Variants in DHX57 observed in about 807,000 individuals in gnomAD.
DHX57 encodes the protein DExH-box helicase 57.
DHX57 carries 105 observed loss-of-function variants against 156.2 expected under a neutral mutation model. That is an observed-to-expected ratio of 0.67 (90% CI 0.57 to 0.79). DHX57 has a LOEUF of 0.79. Among genes scored for constraint, DHX57 ranks in the 30% least tolerant of loss-of-function variants. The pLI is 0.00. For missense variants in DHX57, 1,847 were observed against 1,661.9 expected (o/e 1.11, Z -1.94); for synonymous variants, 704 against 595.6 (o/e 1.18, Z -2.65).
intron 19 of DHX57, 177 bp from the exon 20 acceptor site, chr2:38,815,832 A>C: frequency 1.4e-6 from 1 of 707,404 alleles, no homozygotes; most frequent in Non-Finnish European, 2.3e-6. Context: ...AGCAGCTTTC[A>C]CTTACGCAAA....
intron 12 of DHX57, among the ~76,000 whole-genome samples, chr2:38,839,585 G>T (rs971663907): frequency 6.6e-6 from 1 of 151,686 alleles, no homozygotes; most frequent in Non-Finnish European, 1.5e-5. Flanking sequence ...GCCAGGCATG[G>T]TGGTGGGTGC....
rs776167951 is a variant in DHX57, at chr2:38,813,888, G to A, written c.3614C>T (p.Ser1205Leu). 4 of 1,613,056 alleles carry A rather than the reference G, an allele frequency of 2.5e-6. No individual in the cohort carries two copies. The South Asian group carries it at 4.4e-5, about 18-fold the overall frequency. ...TATCAGCTTGGGGTTCTCAGCATTT[G>A]AGTTTGCCTATGAGAAAAGCACAGC... ...VLDATGEEAN[S>L]NAENPKLISA... The change falls in exon 21 of 24, where the codon TCA becomes TTA. Residue 1205 changes from serine to leucine, a missense_variant. Transcript: ENST00000457308.
chr2:38,868,104 A>T, intron 2 of DHX57, 78 bp downstream of exon 2: 1 of 1,538,710 alleles, frequency 6.5e-7, no homozygotes, highest in Admixed American at 1.9e-5. Context: ...CTTTTTTTCC[A>T]TTCTCAGCCA....
chr2:38,838,209 C>T (rs900710501), intron 12 of DHX57, among the ~76,000 whole-genome samples: 3 of 152,130 alleles, frequency 2.0e-5, no homozygotes, highest in Admixed American at 6.6e-5. Context: ...AGTGATCCTC[C>T]GATCTCAGCC....
At position 38,861,503 on chromosome 2, in the gene DHX57, C is replaced by G; in HGVS notation, c.907G>C (p.Glu303Gln). 6.2e-7 allele frequency: 1 copy of G among 1,614,058 alleles called. No homozygotes were observed. ...STKNVQENSL[E>Q]ICKFYLKGNC... ...CCTTTGAGGTAAAATTTACAGATTT[C>G]AAGTGAATTCTCTTGTACATTTTTG... The change falls in exon 5 of 24, where the codon GAA becomes CAA. Residue 303 changes from glutamate (E) to glutamine (Q), a missense_variant. By Grantham distance (29) the Glu-to-Gln change is conservative (BLOSUM62 2). Transcript: ENST00000457308.
intron 1 of DHX57, among the ~76,000 whole-genome samples, chr2:38,873,803 A>T (rs1665464056): frequency 6.6e-6 from 1 of 152,224 alleles, no homozygotes; most frequent in Admixed American, 6.5e-5. Context: ...GATATATATT[A>T]TAACTTAAGT....
At position 38,868,202 on chromosome 2, in the gene DHX57, A is replaced by C; in HGVS notation, c.204T>G (p.Ser68Arg). ...WDDGDDFCIF[S>R]ESRRPSRPSN... Reference sequence around the variant, plus strand: ...ATGACCTGGAAGGGCGCCTTGATTCACTGAAGATACAAAAGTCATCTCCAT... The same window carrying C: ...ATGACCTGGAAGGGCGCCTTGATTCCCTGAAGATACAAAAGTCATCTCCAT... Residue 68 changes from serine to arginine, a missense_variant, in exon 2 of 24, where the codon AGT (serine) becomes AGG (arginine). By Grantham distance (110) the Ser-to-Arg change is moderately radical. Transcript: ENST00000457308. 6.2e-7 allele frequency: 1 copy of C among 1,614,018 alleles called. No homozygotes were observed.
At chr2:38,798,513 C>T (rs752768842) in intron 23 of DHX57, 71 bp from the exon 24 acceptor site, 36 of 1,473,138 alleles carry the variant, frequency 2.4e-5, no homozygotes, top group Non-Finnish European at 3.3e-5. Flanking sequence ...GGGAAATACC[C>T]AAGTTATGAT....
intron 21 of DHX57, among the ~76,000 whole-genome samples, chr2:38,808,809 A>C (rs191214858): frequency 1.3e-5 from 2 of 152,156 alleles, no homozygotes; most frequent in African/African-American, 2.4e-5. Context: ...TTTTTGGTAG[A>C]GATGGGGTCT....
intron 13 of DHX57, among the ~76,000 whole-genome samples, chr2:38,834,580 T>C (rs1671557578): frequency 6.6e-6 from 1 of 152,208 alleles, no homozygotes; most frequent in South Asian, 2.1e-4. Flanking sequence ...TCTGTGGTTC[T>C]TGTGCATTTT....
chr2:38,863,738 C>T (rs550355904), intron 2 of DHX57, among the ~76,000 whole-genome samples: 3 of 152,118 alleles, frequency 2.0e-5, no homozygotes, highest in Non-Finnish European at 2.9e-5. Flanking sequence ...CTTGGCCAGG[C>T]GCAGTGGCTC....
Position 38,861,122 on chromosome 2 carries a change from G to A in DHX57, c.1288C>T (p.His430Tyr), listed in dbSNP as rs11124652. ...TTCACAGGAGGGTCACTATACTTGT[G>A]GTGGGTATTCGTTAGTAACTTGACT... The part of the protein sequence containing the change: ...EIVKLLTNTH[H>Y]KYSDPPVNFL... Residue 430 changes from histidine (H) to tyrosine (Y), a missense_variant, in exon 5 of 24, where the codon CAC becomes TAC. Coordinates refer to ENST00000457308, the MANE Select transcript of DHX57 (RefSeq NM_198963.3). 4.9e-5 allele frequency: 79 copies of A among 1,614,066 alleles called. No individual in the cohort carries two copies. In the African/African-American group the frequency reaches 9.9e-4, roughly 20 times the overall value.
chr2:38,844,210 T>C (rs1672150473), intron 11 of DHX57, among the ~76,000 whole-genome samples: 1 of 152,168 alleles, frequency 6.6e-6, no homozygotes, highest in Admixed American at 6.6e-5. Flanking sequence ...TGGTATGGTA[T>C]AGAAAAATAA....
intron 13 of DHX57, among the ~76,000 whole-genome samples, chr2:38,829,584 CTATTTTTT>C (rs1671279708): frequency 6.6e-6 from 1 of 152,030 alleles, no homozygotes; most frequent in South Asian, 2.1e-4. Context: ...TGGCAACTTT[CTATTTTTT>C]TATTTTTTTA....
rs749856178 is a variant in DHX57 at position 38,854,256 on chromosome 2, T to C, written c.1906-78A>G. On this transcript the variant is annotated intron_variant, in intron 8 of 23. Coordinates refer to ENST00000457308, the MANE Select transcript of DHX57 (RefSeq NM_198963.3). ...AACATTACTGGAAAGCCATTTTGAA[T>C]GGATAGTGATAAAAAATATTGGAAA... The C allele has an allele frequency of 6.3e-6, 9 of 1,439,374 alleles. No individual in the cohort carries two copies. In the South Asian group the frequency reaches 7.6e-5, roughly 12 times the overall value. The allele number at this position is 1,439,374 out of a possible 1,614,324, so 89.2% of individuals were successfully genotyped here. A position where few individuals can be genotyped will look rare whatever the true frequency, so the allele number is the denominator to read the frequency against.
At chr2:38,811,320 T>C (rs956357811) in intron 21 of DHX57, 11 of 523,604 alleles carry the variant, frequency 2.1e-5, no homozygotes, top group Admixed American at 6.8e-5. Flanking sequence ...CCCTTTCCCA[T>C]GGCACTGTGG....
intron 17 of DHX57, among the ~76,000 whole-genome samples, chr2:38,820,366 T>C (rs1356596616): frequency 2.0e-5 from 3 of 151,682 alleles, no homozygotes; most frequent in Non-Finnish European, 2.9e-5. Context: ...AAGGCAGACA[T>C]CAACATTTCT....
At chr2:38,854,238 C>T (rs754510090) in intron 8 of DHX57, 60 bp from the exon 9 acceptor site, 2 of 1,560,236 alleles carry the variant, frequency 1.3e-6, no homozygotes, top group South Asian at 2.3e-5. Context: ...GGAAACATTA[C>T]TGGAAAGCCA....
rs1327956187 is a variant in DHX57, at chr2:38,856,342, A to C, written c.1707T>G (p.Thr569=). Residue 569 remains threonine, a splice_region_variant and synonymous_variant, in exon 7 of 24, where the codon ACT becomes ACG. Coordinates refer to ENST00000457308, the MANE Select transcript of DHX57 (RefSeq NM_198963.3). ...KHQVVVISGM[T]GCGKTTQIPQ... Reference sequence around the variant, plus strand: ...AGATGAATAAACTGCATTCTTACCCAGTCATACCACTTATGACAACCACCT... The same window carrying C: ...AGATGAATAAACTGCATTCTTACCCCGTCATACCACTTATGACAACCACCT... The C allele has an allele frequency of 6.2e-7, 1 of 1,608,430 alleles. No homozygotes were observed. The highest frequency in any genetic ancestry group is 8.5e-7 in the Non-Finnish European group (1 of 1,178,548).
Sources: allele counts gnomAD v4.1 joint callset (sites outside exome capture counted in the v4.1 genomes callset), GRCh38; gene constraint gnomAD v4.1.1; transcripts MANE v1.5; gene names NCBI Gene and HGNC (gene_info 2026-07-23, HGNC 2026-07-21).